The following KCNIP4 variants were observed in gnomAD, a reference collection of about 807,000 sequenced individuals.
The protein encoded by KCNIP4 is potassium voltage-gated channel interacting protein 4, also known as Kv channel-interacting protein 4.
In KCNIP4, 12 loss-of-function variants were observed where a neutral mutation model predicts 34.0. The ratio of observed to expected loss-of-function variants is 0.35; its 90% CI spans 0.23 to 0.57. The LOEUF (loss-of-function observed/expected upper bound fraction) is 0.57. Ranked by LOEUF, KCNIP4 falls within the 20% of genes least tolerant of loss-of-function variation. The pLI, the probability that KCNIP4 is intolerant of heterozygous loss-of-function variation, is 0.83. For synonymous variants in KCNIP4, 124 were observed against 102.2 expected (o/e 1.21, Z -1.29); for missense variants, 238 against 311.7 (o/e 0.76, Z 1.78).
intron 1 of KCNIP4, among the ~76,000 whole-genome samples, chr4:21,860,069 T>A (rs6448096): frequency 0.14 from 22,036 of 152,130 alleles, 1,804 homozygotes; most frequent in African/African-American, 0.23. Context: ...AAAAGGGTAT[T>A]GAACCAAACA....
intron 3 of KCNIP4, among the ~76,000 whole-genome samples, chr4:20,761,887 A>G (rs1754988461): frequency 6.6e-6 from 1 of 152,130 alleles, no homozygotes. Flanking sequence ...CCTTATATTC[A>G]TTACATTAGT....
At chr4:21,873,674 A>G (rs749254786) in intron 1 of KCNIP4, among the ~76,000 whole-genome samples, 6 of 152,198 alleles carry the variant, frequency 3.9e-5, no homozygotes, top group Non-Finnish European at 8.8e-5. Context: ...CTTGCCAACC[A>G]CAACAAAATT....
At chr4:21,847,796 T>G (rs1231396435) in intron 1 of KCNIP4, 1 of 152,070 alleles carries the variant, frequency 6.6e-6, no homozygotes, top group Non-Finnish European at 1.5e-5. Context: ...TTTACTCACT[T>G]TCTCTGCAAT....
chr4:20,730,262 T>C lies in KCNIP4; in HGVS notation c.706-133A>G, dbSNP rs188418458. 156 of 1,140,088 alleles carry C rather than the reference T, an allele frequency of 1.4e-4. No homozygotes were observed. The African/African-American group carries it at 2.1e-3, about 15-fold the overall frequency. The allele number at this position is 1,140,088 out of a possible 1,614,324, so 70.6% of individuals were successfully genotyped here. A position where few individuals can be genotyped will look rare whatever the true frequency, so the allele number is the denominator to read the frequency against. ...TGCCAAAAGCTCAAATATTAAGTGT[T>C]TGCAAATGTAAATGCCATTCTATTC... On this transcript the variant is annotated intron_variant, in intron 8 of 8. Coordinates refer to ENST00000382152, the MANE Select transcript of KCNIP4 (RefSeq NM_025221.6).
chr4:21,221,576 G>C (rs538188008), intron 1 of KCNIP4, among the ~76,000 whole-genome samples: 2 of 152,038 alleles, frequency 1.3e-5, no homozygotes, highest in African/African-American at 4.8e-5. Flanking sequence ...CAGGGGAACC[G>C]CACCCATGAT....
intron 1 of KCNIP4, among the ~76,000 whole-genome samples, chr4:21,756,278 G>A (rs1026498463): frequency 1.1e-4 from 16 of 152,230 alleles, no homozygotes; most frequent in African/African-American, 3.4e-4. Context: ...TCTGTTGGCC[G>A]GGCACAGTGG....
intron 1 of KCNIP4, among the ~76,000 whole-genome samples, chr4:21,201,626 G>A (rs927589665): frequency 2.6e-5 from 4 of 152,156 alleles, no homozygotes; most frequent in African/African-American, 7.2e-5. Context: ...AGCCTCCCAA[G>A]TAGCTGGGAC....
At chr4:21,079,742 C>T (rs897274649) in intron 1 of KCNIP4, among the ~76,000 whole-genome samples, 4 of 151,782 alleles carry the variant, frequency 2.6e-5, no homozygotes, top group Non-Finnish European at 4.4e-5. Flanking sequence ...CAAATCAGTT[C>T]AGTGTAACCA....
intron 1 of KCNIP4, among the ~76,000 whole-genome samples, chr4:21,735,735 G>A (rs921268920): frequency 2.0e-5 from 3 of 152,246 alleles, no homozygotes; most frequent in African/African-American, 7.2e-5. Flanking sequence ...AGAAGAGGAA[G>A]CAAAGATAAG....
rs193185387 is a variant in KCNIP4 at position 20,917,086 on chromosome 4, G to A, written c.62-34377C>T. On this transcript the variant is annotated intron_variant, in intron 1 of 8. Coordinates refer to ENST00000382152, the MANE Select transcript of KCNIP4 (RefSeq NM_025221.6). ...TGGGGTCTCGCTCTGTTGCCAGGCT[G>A]GAGTGCGGTGGCACAATCTCGGCTC... 4.3e-3 allele frequency among the ~76,000 whole-genome samples: 605 copies of A among 140,860 alleles called. 9 individuals are homozygous for A. Among genetic ancestry groups the A allele is most frequent in the African/African-American group, 0.015 (569 of 38,108 alleles). The allele number at this position is 140,860 out of a possible 152,430, so 92.4% of individuals were successfully genotyped here. A position where few individuals can be genotyped will look rare whatever the true frequency, so the allele number is the denominator to read the frequency against.
Position 21,763,667 on chromosome 4 carries a change from A to G in KCNIP4, c.61+184904T>C, listed in dbSNP as rs138461212. Among the ~76,000 whole-genome samples, 377 of 152,280 alleles carry G rather than the reference A, an allele frequency of 2.5e-3. 1 individual carries two copies. The highest frequency in any genetic ancestry group is 8.7e-3 in the African/African-American group (360 of 41,566). ...CTCTTTTCTGAATCTCAACTTTCTC[A>G]GCAAAAGGAAATAAAGAAAACCCAG... On this transcript the variant is annotated intron_variant, in intron 1 of 8. Coordinates refer to ENST00000382152, the MANE Select transcript of KCNIP4 (RefSeq NM_025221.6).
chr4:21,258,423 G>C (rs191756567), intron 1 of KCNIP4, among the ~76,000 whole-genome samples: 7 of 152,210 alleles, frequency 4.6e-5, no homozygotes, highest in Admixed American at 4.6e-4. Context: ...AGAATACTAC[G>C]TGACCCCGAC....
At chr4:21,267,621 C>T (rs1761894169) in intron 1 of KCNIP4, among the ~76,000 whole-genome samples, 3 of 145,484 alleles carry the variant, frequency 2.1e-5, no homozygotes, top group Admixed American at 6.8e-5. Flanking sequence ...TGGTTTTTGT[C>T]TTTGGTTCTG....
In KCNIP4 at chr4:21,672,131, G is replaced by A. The variant is rs114440033; in HGVS notation, c.61+276440C>T. On this transcript the variant is annotated intron_variant, in intron 1 of 8. Coordinates refer to ENST00000382152, the MANE Select transcript of KCNIP4 (RefSeq NM_025221.6). ...GGAACATCACACACCGGGGCCTGTC[G>A]GGAGGTGGAGAGCTAGGCGAGGAAT... is the stretch of plus-strand genomic sequence containing the variant. 2.7e-3 allele frequency among the ~76,000 whole-genome samples: 410 copies of A among 152,220 alleles called. 1 individual carries two copies. The highest frequency in any genetic ancestry group is 7.9e-3 in the African/African-American group (327 of 41,536).
chr4:20,843,359 C>A (rs1176311690), intron 3 of KCNIP4, among the ~76,000 whole-genome samples: 1 of 152,156 alleles, frequency 6.6e-6, no homozygotes, highest in Non-Finnish European at 1.5e-5. Flanking sequence ...GTTTCCTGTA[C>A]CTAGGACACT....
chr4:20,764,119 A>G (rs1755185786), intron 3 of KCNIP4, among the ~76,000 whole-genome samples: 1 of 152,134 alleles, frequency 6.6e-6, no homozygotes, highest in Non-Finnish European at 1.5e-5. Flanking sequence ...ATGGTTCTGT[A>G]TTCTATTTTC....
intron 1 of KCNIP4, among the ~76,000 whole-genome samples, chr4:21,753,666 T>A (rs987582395): frequency 1.3e-5 from 2 of 152,172 alleles, no homozygotes; most frequent in African/African-American, 4.8e-5. Flanking sequence ...GTACCCTCAC[T>A]GGGTTAGTAG....
At chr4:21,234,018 A>G (rs1439957776) in intron 1 of KCNIP4, among the ~76,000 whole-genome samples, 3 of 112,260 alleles carry the variant, frequency 2.7e-5, no homozygotes, top group East Asian at 2.6e-4. Flanking sequence ...CATATATAAC[A>G]TATATTATAT....
intron 1 of KCNIP4, among the ~76,000 whole-genome samples, chr4:21,937,283 A>G (rs1335744127): frequency 2.0e-5 from 3 of 151,986 alleles, no homozygotes; most frequent in Non-Finnish European, 2.9e-5. Flanking sequence ...CTCCGCCTAT[A>G]TTCCTTGTCT....
Sources: gnomAD v4.1 joint callset for allele counts (sites outside exome capture counted in the v4.1 genomes callset) on GRCh38, gnomAD v4.1.1 for gene constraint, MANE v1.5 for transcripts, NCBI Gene and HGNC (gene_info 2026-07-23, HGNC 2026-07-21) for gene names.